Variants in CDKAL1 observed in about 807,000 individuals in gnomAD.
The protein encoded by CDKAL1 is CDKAL1 threonylcarbamoyladenosine tRNA methylthiotransferase, also known as threonylcarbamoyladenosine tRNA methylthiotransferase.
In CDKAL1, 32 loss-of-function variants were observed where a neutral mutation model predicts 68.2. The ratio of observed to expected loss-of-function variants is 0.47; its 90% CI spans 0.35 to 0.63. The LOEUF (loss-of-function observed/expected upper bound fraction) is 0.63. Among genes scored for constraint, CDKAL1 ranks in the 30% least tolerant of loss-of-function variants. CDKAL1 has a pLI of 0.00. For missense variants in CDKAL1, 606 were observed against 696.7 expected (o/e 0.87, Z 1.47); for synonymous variants, 234 against 244.3 (o/e 0.96, Z 0.39).
At chr6:21,110,150 T>C (rs758098843) in intron 13 of CDKAL1, among the ~76,000 whole-genome samples, 2 of 152,218 alleles carry the variant, frequency 1.3e-5, no homozygotes, top group Non-Finnish European at 2.9e-5. Flanking sequence ...CTAGACTGCT[T>C]GATGAGTGCC....
intron 9 of CDKAL1, among the ~76,000 whole-genome samples, chr6:20,951,240 G>A (rs1029951844): frequency 2.6e-5 from 4 of 152,154 alleles, no homozygotes; most frequent in African/African-American, 9.7e-5. Context: ...AACTACTAGA[G>A]AAATGCTACT....
rs566679134 is a variant in CDKAL1 at position 20,995,877 on chromosome 6, G to A, written c.910-4350G>A. Among the ~76,000 whole-genome samples the A allele has an allele frequency of 3.3e-5, 5 of 152,218 alleles. No individual in the cohort carries two copies. In the East Asian group the frequency reaches 5.8e-4, roughly 18 times the overall value. On this transcript the variant is annotated intron_variant, in intron 10 of 15. Transcript: ENST00000274695. ...TTCTCTACCTATGAAAGTCCTAGAT[G>A]CCACCACTTTTTAATAGAAGGCTGT... is the stretch of plus-strand genomic sequence containing the variant.
chr6:20,698,056 A>G (rs1323658070), intron 5 of CDKAL1, among the ~76,000 whole-genome samples: 2 of 152,196 alleles, frequency 1.3e-5, no homozygotes, highest in African/African-American at 2.4e-5. Context: ...CCTTTTAATT[A>G]TTTTCCTACC....
chr6:20,778,715 A>T (rs1416714454), intron 7 of CDKAL1, among the ~76,000 whole-genome samples: 1 of 152,212 alleles, frequency 6.6e-6, no homozygotes, highest in African/African-American at 2.4e-5. Flanking sequence ...AAGAAGAGCC[A>T]ATATTTCAGT....
At chr6:20,709,678 A>T (rs2127828251) in intron 5 of CDKAL1, among the ~76,000 whole-genome samples, 1 of 152,228 alleles carries the variant, frequency 6.6e-6, no homozygotes, top group African/African-American at 2.4e-5. Context: ...AAGGCTTCAG[A>T]GTGGGTTAAT....
intron 13 of CDKAL1, among the ~76,000 whole-genome samples, chr6:21,162,810 C>G (rs555955856): frequency 3.3e-5 from 5 of 152,040 alleles, no homozygotes; most frequent in Admixed American, 6.6e-5. Flanking sequence ...TGTCTGTAGT[C>G]CCAGCTGCTC....
At chr6:21,176,209 A>G (rs538910689) in intron 13 of CDKAL1, among the ~76,000 whole-genome samples, 3 of 152,352 alleles carry the variant, frequency 2.0e-5, no homozygotes, top group African/African-American at 7.2e-5. Flanking sequence ...ATTTAAGACT[A>G]TGTGATAAGA....
At chr6:21,196,244 A>G (rs1359263730) in intron 13 of CDKAL1, among the ~76,000 whole-genome samples, 1 of 152,230 alleles carries the variant, frequency 6.6e-6, no homozygotes, top group Non-Finnish European at 1.5e-5. Context: ...TTCCTTAAGA[A>G]CCATTGACAG....
intron 9 of CDKAL1, among the ~76,000 whole-genome samples, chr6:20,864,064 GAA>G (rs1241217403): frequency 1.3e-5 from 2 of 152,096 alleles, no homozygotes; most frequent in African/African-American, 4.8e-5. Context: ...AGAATAAATT[GAA>G]TAAAGATTTT....
At chr6:20,547,885 G>C (rs1763665965) in intron 3 of CDKAL1, among the ~76,000 whole-genome samples, 1 of 152,138 alleles carries the variant, frequency 6.6e-6, no homozygotes, top group African/African-American at 2.4e-5. Flanking sequence ...GGAAGCTACA[G>C]ATTGCAACTA....
chr6:21,159,062 C>T, intron 13 of CDKAL1, among the ~76,000 whole-genome samples: 1 of 148,768 alleles, frequency 6.7e-6, no homozygotes, highest in Non-Finnish European at 1.5e-5. Flanking sequence ...TGCCTAATGC[C>T]TTCCTCTGGG....
Position 21,232,394 on chromosome 6 carries a change from T to C in CDKAL1, c.*1355T>C, listed in dbSNP as rs116925138. The stretch of plus-strand genomic sequence containing the variant: ...TCTTTAACAATAAATAGAATTGGTA[T>C]ACTAAGCAAATCCTATGTTTTTGAG... On this transcript the variant is annotated 3_prime_UTR_variant, in exon 16 of 16. Coordinates refer to ENST00000274695, the MANE Select transcript of CDKAL1 (RefSeq NM_017774.3). 2 of 152,370 alleles carry C rather than the reference T, an allele frequency of 1.3e-5. No homozygotes were observed. Among genetic ancestry groups the C allele is most frequent in the East Asian group, 3.9e-4 (2 of 5,182 alleles). The allele number at this position is 152,370 out of a possible 1,614,324, so 9.4% of individuals were successfully genotyped here.
At chr6:20,783,372 T>G (rs1422966160) in intron 8 of CDKAL1, among the ~76,000 whole-genome samples, 2 of 152,208 alleles carry the variant, frequency 1.3e-5, no homozygotes, top group African/African-American at 4.8e-5. Flanking sequence ...CAGGTACGTA[T>G]TTGGCCTACT....
intron 5 of CDKAL1, among the ~76,000 whole-genome samples, chr6:20,680,394 T>G (rs1359646827): frequency 6.6e-6 from 1 of 152,204 alleles, no homozygotes; most frequent in African/African-American, 2.4e-5. Context: ...AAAATAATTT[T>G]TATTTAGAAT....
intron 5 of CDKAL1, among the ~76,000 whole-genome samples, chr6:20,667,612 C>G (rs903853018): frequency 2.0e-5 from 3 of 152,142 alleles, no homozygotes; most frequent in East Asian, 3.9e-4. Context: ...CTAAGTACTT[C>G]GTATTTTTTC....
chr6:21,194,830 G>A (rs1202867571), intron 13 of CDKAL1, among the ~76,000 whole-genome samples: 2 of 152,172 alleles, frequency 1.3e-5, no homozygotes, highest in South Asian at 4.2e-4. Flanking sequence ...CATAACTTCA[G>A]TGTTGACTTT....
chr6:21,125,350 C>T (rs1274510204), intron 13 of CDKAL1, among the ~76,000 whole-genome samples: 1 of 152,152 alleles, frequency 6.6e-6, no homozygotes, highest in African/African-American at 2.4e-5. Flanking sequence ...TGAGGCCTCC[C>T]CAGCCATAAG....
chr6:21,084,463 G>T (rs1056817473), intron 12 of CDKAL1, among the ~76,000 whole-genome samples: 1 of 152,070 alleles, frequency 6.6e-6, no homozygotes, highest in Non-Finnish European at 1.5e-5. Flanking sequence ...TTCAGTTGAT[G>T]AATTTTTAGT....
chr6:21,139,417 A>G (rs994914004), intron 13 of CDKAL1, among the ~76,000 whole-genome samples: 4 of 152,252 alleles, frequency 2.6e-5, no homozygotes, highest in African/African-American at 9.6e-5. Flanking sequence ...ATTCCTGGTC[A>G]TCAACATGTC....
Sources: gnomAD v4.1 joint callset for allele counts (sites outside exome capture counted in the v4.1 genomes callset) on GRCh38, gnomAD v4.1.1 for gene constraint, MANE v1.5 for transcripts, NCBI Gene and HGNC (gene_info 2026-07-23, HGNC 2026-07-21) for gene names.